LRRC3B: variants seen among roughly 807,000 people sequenced by gnomAD.
LRRC3B encodes leucine rich repeat containing 3B.
In LRRC3B, 2 loss-of-function variants were observed where a neutral mutation model predicts 12.8. That is an observed-to-expected ratio of 0.16 (90% confidence interval 0.06 to 0.49). The LOEUF is 0.49. LRRC3B is among the 20% of genes least tolerant of loss of function. LRRC3B has a pLI of 0.96. For synonymous variants in LRRC3B, 132 were observed against 122.0 expected, an observed-to-expected ratio of 1.08 and a Z score of -0.54; for missense variants, 189 against 319.4, an observed-to-expected ratio of 0.59 and a Z score of 3.11.
intron 1 of LRRC3B, among the ~76,000 whole-genome samples, chr3:26,696,100 A>G (rs1700309918): frequency 2.6e-5 from 4 of 152,234 alleles, no homozygotes; most frequent in Admixed American, 2.6e-4. Flanking sequence ...ATATCTAACA[A>G]AAGAATAATG....
At chr3:26,690,104 A>C (rs1700160609) in intron 1 of LRRC3B, among the ~76,000 whole-genome samples, 1 of 152,240 alleles carries the variant, frequency 6.6e-6, no homozygotes, top group South Asian at 2.1e-4. Flanking sequence ...GTACCTGACC[A>C]AAAACAGGTT....
At chr3:26,706,394 A>T (rs981080980) in intron 1 of LRRC3B, among the ~76,000 whole-genome samples, 4 of 152,182 alleles carry the variant, frequency 2.6e-5, no homozygotes, top group Non-Finnish European at 5.9e-5. Flanking sequence ...ATGGCTCTAG[A>T]GGCTGAGTCA....
chr3:26,677,723 CATTCTT>C (rs1248988962), intron 1 of LRRC3B, among the ~76,000 whole-genome samples: 1 of 152,166 alleles, frequency 6.6e-6, no homozygotes, highest in Non-Finnish European at 1.5e-5. Flanking sequence ...ACATATAACA[CATTCTT>C]ATTGTCAGTC....
intron 1 of LRRC3B, among the ~76,000 whole-genome samples, chr3:26,638,310 G>A (rs189116290): frequency 2.0e-5 from 3 of 152,152 alleles, no homozygotes; most frequent in East Asian, 3.9e-4. Flanking sequence ...AAAAAAAGTT[G>A]TGACTTTTAT....
chr3:26,631,113 A>T (rs1308270520), intron 1 of LRRC3B, among the ~76,000 whole-genome samples: 2 of 152,168 alleles, frequency 1.3e-5, no homozygotes, highest in Admixed American at 6.5e-5. Flanking sequence ...AGGATCCTTT[A>T]TCAGGGCCAC....
At chr3:26,704,218 C>CT (rs559864722) in intron 1 of LRRC3B, among the ~76,000 whole-genome samples, 1 of 151,514 alleles carries the variant, frequency 6.6e-6, no homozygotes, top group African/African-American at 2.4e-5. Flanking sequence ...TAAGTATTTG[C>CT]TTTTTTTTGA....
intron 1 of LRRC3B, among the ~76,000 whole-genome samples, chr3:26,660,600 T>C (rs1699472735): frequency 1.3e-5 from 2 of 152,188 alleles, no homozygotes; most frequent in Non-Finnish European, 2.9e-5. Flanking sequence ...GATACTTGAG[T>C]AGTCAGTACG....
At chr3:26,697,347 T>G (rs1466129923) in intron 1 of LRRC3B, among the ~76,000 whole-genome samples, 2 of 152,196 alleles carry the variant, frequency 1.3e-5, no homozygotes, top group African/African-American at 2.4e-5. Context: ...TCTTGACTTG[T>G]GGCTATATCA....
At chr3:26,663,983 C>T (rs1575139488) in intron 1 of LRRC3B, among the ~76,000 whole-genome samples, 2 of 152,102 alleles carry the variant, frequency 1.3e-5, no homozygotes, top group East Asian at 3.9e-4. Flanking sequence ...TGAACATGTA[C>T]TTTCATGCTT....
chr3:26,685,521 CTCTATATATATATA>C (rs1297106345), intron 1 of LRRC3B, among the ~76,000 whole-genome samples: 104 of 41,502 alleles, frequency 2.5e-3, no homozygotes, highest in Non-Finnish European at 3.4e-3. Context: ...CTCTCTCTCT[CTCTATATATATATA>C]TATATATATA....
intron 1 of LRRC3B, among the ~76,000 whole-genome samples, chr3:26,645,698 G>C (rs1412263857): frequency 2.6e-5 from 4 of 152,042 alleles, no homozygotes; most frequent in Non-Finnish European, 5.9e-5. Flanking sequence ...TCTGGAGTGT[G>C]AGGGATAGAA....
chr3:26,687,380 T>A (rs979185606), intron 1 of LRRC3B, among the ~76,000 whole-genome samples: 2 of 152,228 alleles, frequency 1.3e-5, no homozygotes, highest in African/African-American at 4.8e-5. Flanking sequence ...ATCCTCTGCA[T>A]TATAATTGCT....
exon 2 of LRRC3B, chr3:26,710,544 T>C (rs1209734004): frequency 7.9e-7 from 1 of 1,270,272 alleles, no homozygotes; most frequent in African/African-American, 1.5e-5. Flanking sequence ...TTGTAAACAT[T>C]TGAAACTTTG....
At chr3:26,666,213 G>A (rs372082551) in intron 1 of LRRC3B, among the ~76,000 whole-genome samples, 16 of 152,114 alleles carry the variant, frequency 1.1e-4, no homozygotes, top group South Asian at 4.1e-4. Flanking sequence ...GAAAAAAGAC[G>A]TCAAAGAAGA....
chr3:26,683,264 T>G (rs1700007312), intron 1 of LRRC3B, among the ~76,000 whole-genome samples: 2 of 152,198 alleles, frequency 1.3e-5, no homozygotes, highest in South Asian at 2.1e-4. Context: ...AGACAGCAGT[T>G]TAAACTACAT....
At chr3:26,698,288 A>T (rs1477178139) in intron 1 of LRRC3B, among the ~76,000 whole-genome samples, 1 of 152,202 alleles carries the variant, frequency 6.6e-6, no homozygotes, top group Non-Finnish European at 1.5e-5. Context: ...TCATGTTCAG[A>T]TGAGAAAACT....
rs1559368035 is a variant in LRRC3B at position 26,689,683 on chromosome 3, G to C, written c.-160-19830G>C. Among the ~76,000 whole-genome samples the C allele has an allele frequency of 1.3e-5, 2 of 152,192 alleles. 1 individual carries two copies. The highest frequency in any genetic ancestry group is 4.1e-4 in the South Asian group (2 of 4,832). On this transcript the variant is annotated intron_variant, in intron 1 of 1. Transcript: ENST00000396641. ...GGCAAAATCTGCATTGTTAAGGGTA[G>C]AGTGGCCCACCCCCAGGACTTTTAG...
chr3:26,628,593 T>A (rs1365287549), intron 1 of LRRC3B, among the ~76,000 whole-genome samples: 1 of 151,924 alleles, frequency 6.6e-6, no homozygotes, highest in Non-Finnish European at 1.5e-5. Flanking sequence ...ATGAACTTTA[T>A]TTGATAAATG....
At chr3:26,679,336 A>G (rs991426233) in intron 1 of LRRC3B, among the ~76,000 whole-genome samples, 1 of 152,190 alleles carries the variant, frequency 6.6e-6, no homozygotes, top group Non-Finnish European at 1.5e-5. Context: ...ACCTTCTGGC[A>G]TAGTATTTGA....
Sources: allele counts gnomAD v4.1 joint callset (sites outside exome capture counted in the v4.1 genomes callset), GRCh38; gene constraint gnomAD v4.1.1; transcripts MANE v1.5; gene names NCBI Gene and HGNC (gene_info 2026-07-23, HGNC 2026-07-21).